TXN: variants seen among roughly 807,000 people sequenced by gnomAD.
The protein encoded by TXN is ADF.
In TXN, 10 loss-of-function variants were observed where a neutral mutation model predicts 16.5. That is an observed-to-expected ratio of 0.61 (90% CI 0.37 to 1.03). TXN has a LOEUF of 1.03. TXN is among the 50% of genes least tolerant of loss of function. The pLI is 0.01. For missense variants in TXN, 71 were observed against 122.5 expected (o/e 0.58, Z 1.98); for synonymous variants, 35 against 39.4 (o/e 0.89, Z 0.42).
chr9:110,255,179 G>A (rs1485401398), intron 1 of TXN, among the ~76,000 whole-genome samples: 1 of 152,230 alleles, frequency 6.6e-6, no homozygotes. Flanking sequence ...AAACAGGTCA[G>A]GGCACCCGAG....
intron 3 of TXN, among the ~76,000 whole-genome samples, chr9:110,248,034 T>C (rs1290624380): frequency 6.6e-6 from 1 of 152,168 alleles, no homozygotes; most frequent in Non-Finnish European, 1.5e-5. Context: ...AAAAGTCTTT[T>C]TAAAAAAAGC....
At chr9:110,249,848 T>C (rs543096528) in intron 3 of TXN, among the ~76,000 whole-genome samples, 2 of 152,038 alleles carry the variant, frequency 1.3e-5, no homozygotes, top group East Asian at 3.9e-4. Context: ...GGAAGAGGAG[T>C]GACTGGCCTA....
intron 1 of TXN, among the ~76,000 whole-genome samples, chr9:110,254,161 T>C (rs982166793): frequency 3.9e-5 from 6 of 152,186 alleles, no homozygotes; most frequent in African/African-American, 7.2e-5. Context: ...AGAAACAGAA[T>C]TGTTCTGAAT....
intron 1 of TXN, among the ~76,000 whole-genome samples, chr9:110,255,206 C>T (rs879822408): frequency 2.0e-5 from 3 of 152,238 alleles, no homozygotes; most frequent in Non-Finnish European, 4.4e-5. Flanking sequence ...GAGGACCCGC[C>T]CTCCTCTGCT....
At chr9:110,245,462 T>G (rs954044114) in intron 3 of TXN, among the ~76,000 whole-genome samples, 6 of 149,884 alleles carry the variant, frequency 4.0e-5, no homozygotes, top group Non-Finnish European at 7.4e-5. Flanking sequence ...CTGGATGGAA[T>G]GCAGGGGCAT....
chr9:110,244,612 C>T (rs1291365622), intron 4 of TXN, among the ~76,000 whole-genome samples, 166 bp downstream of exon 4: 1 of 152,086 alleles, frequency 6.6e-6, no homozygotes, highest in Non-Finnish European at 1.5e-5. Flanking sequence ...AGTTAGCTGT[C>T]ACATTATGTA....
At chr9:110,248,530 G>C (rs1368045994) in intron 3 of TXN, among the ~76,000 whole-genome samples, 1 of 152,118 alleles carries the variant, frequency 6.6e-6, no homozygotes, top group African/African-American at 2.4e-5. Context: ...ATGCCATCTA[G>C]GTTGTGTAAG....
chr9:110,251,277 A>G, intron 2 of TXN, 81 bp downstream of exon 2: 1 of 1,065,368 alleles, frequency 9.4e-7, no homozygotes, highest in Non-Finnish European at 1.4e-6. Flanking sequence ...AAATCCTTTA[A>G]CTGTCTTTCT....
chr9:110,252,280 T>G (rs1837751510), intron 1 of TXN, among the ~76,000 whole-genome samples: 1 of 146,886 alleles, frequency 6.8e-6, no homozygotes, highest in Non-Finnish European at 1.5e-5. Context: ...TTGTCTATGG[T>G]GGACCATACG....
chr9:110,247,964 A>G (rs1317000125), intron 3 of TXN, among the ~76,000 whole-genome samples: 4 of 152,056 alleles, frequency 2.6e-5, no homozygotes, highest in African/African-American at 9.7e-5. Flanking sequence ...GATGATCCTG[A>G]CCCTGTGTTG....
chr9:110,251,585 CCAAAAA>C (rs1837737527), intron 1 of TXN, 123 bp from the exon 2 acceptor site: 3 of 21,204 alleles, frequency 1.4e-4, no homozygotes, highest in South Asian at 2.5e-3. Context: ...TACTTTTTAG[CCAAAAA>C]AAAAAAAAAA....
rs914807286 is a variant in TXN at position 110,244,928 on chromosome 9, C to G, written c.190-85G>C. Reference sequence around the variant, plus strand: ...GACAGAAGTAATCCAAAACCAGAAACTTTTCCCTGTCATGTACCCCACATT... The same window carrying G: ...GACAGAAGTAATCCAAAACCAGAAAGTTTTCCCTGTCATGTACCCCACATT... On this transcript the variant is annotated intron_variant, in intron 3 of 4. Transcript: ENST00000374517. 13 of 1,096,282 alleles carry G rather than the reference C, an allele frequency of 1.2e-5. No homozygotes were observed. In the African/African-American group the frequency reaches 1.4e-4, roughly 12 times the overall value. 67.9% of individuals were successfully genotyped at this position (1,096,282 alleles called of 1,614,324 possible).
At chr9:110,251,332 C>T (rs773508882) in intron 2 of TXN, 26 bp downstream of exon 2, 10 of 1,528,142 alleles carry the variant, frequency 6.5e-6, no homozygotes, top group Non-Finnish European at 9.1e-6. Flanking sequence ...AAATCTCTTA[C>T]AAAGCAGACA....
chr9:110,252,895 T>C (rs1837759411), intron 1 of TXN, among the ~76,000 whole-genome samples: 1 of 152,138 alleles, frequency 6.6e-6, no homozygotes, highest in South Asian at 2.1e-4. Flanking sequence ...TCCACCCGCC[T>C]TGGCCTCCCA....
intron 2 of TXN, 111 bp from the exon 3 acceptor site, chr9:110,250,990 T>C (rs1352864987): frequency 6.4e-6 from 5 of 782,376 alleles, no homozygotes; most frequent in Non-Finnish European, 4.1e-6. Context: ...TAATTAAAGA[T>C]CCAAAAATTT....
In TXN at chr9:110,244,167, T is replaced by C; in HGVS notation, c.308A>G (p.Glu103Gly). Residue 103 changes from glutamate to glycine, a missense_variant, in exon 5 of 5, where the codon GAA (glutamate) becomes GGA (glycine). Physicochemically the swap from Glu to Gly is moderately conservative, Grantham distance 98. Transcript: ENST00000374517. ...TTTCAGAAAACATGATTAGACTAATTCATTAATGGTGGCTTCAAGCTTTTC... is the reference window on the plus strand; with the variant it reads ...TTTCAGAAAACATGATTAGACTAATCCATTAATGGTGGCTTCAAGCTTTTC... ...NKEKLEATINELV is the reference protein window; with the variant it reads ...NKEKLEATINGLV The C allele has an allele frequency of 6.4e-7, 1 of 1,568,714 alleles. No homozygotes were observed. Among genetic ancestry groups the C allele is most frequent in the Non-Finnish European group, 8.6e-7 (1 of 1,157,482 alleles).
rs1837734597 is a variant in TXN at position 110,251,423 on chromosome 9, G to A, written c.64C>T (p.Leu22Phe). Residue 22 changes from leucine to phenylalanine, a missense_variant, in exon 2 of 5, where the codon CTT becomes TTT. By Grantham distance (22) the Leu-to-Phe change is conservative. Coordinates refer to ENST00000374517, the MANE Select transcript of TXN (RefSeq NM_003329.4). ...QEALDAAGDK[L>F]VVVDFSATWC... The stretch of plus-strand genomic sequence containing the variant: ...GTGGCTGAGAAGTCAACTACTACAA[G>A]TTTATCACCTGCAGCGTCCAAGGCT... 15 of 1,612,040 alleles carry A rather than the reference G, an allele frequency of 9.3e-6. No homozygotes were observed. The highest frequency in any genetic ancestry group is 1.3e-5 in the Non-Finnish European group (15 of 1,179,822).
At position 110,256,339 on chromosome 9, in the gene TXN, C is replaced by T. The variant is rs1226038066; in HGVS notation, c.24+73G>A. On this transcript the variant is annotated intron_variant, in intron 1 of 4. Transcript: ENST00000374517. The surrounding 1 kb of genome is among the most constrained non-coding windows in gnomAD (Gnocchi z 4.2). Reference sequence around the variant, plus strand: ...CCTCCCGCCACCGCCTTCCCCACCTCCCGCCACCGCCTTCCCCAGTTACAG... The same window carrying T: ...CCTCCCGCCACCGCCTTCCCCACCTTCCGCCACCGCCTTCCCCAGTTACAG... The T allele has an allele frequency of 6.7e-7, 1 of 1,499,172 alleles. No individual in the cohort carries two copies. Among genetic ancestry groups the T allele is most frequent in the Non-Finnish European group, 9.1e-7 (1 of 1,100,774 alleles). 92.9% of individuals were successfully genotyped at this position (1,499,172 alleles called of 1,614,324 possible).
At chr9:110,253,015 T>C (rs1837761241) in intron 1 of TXN, among the ~76,000 whole-genome samples, 1 of 151,976 alleles carries the variant, frequency 6.6e-6, no homozygotes, top group Admixed American at 6.6e-5. Flanking sequence ...ATCTGAAATC[T>C]AGGTTTTCTT....
Sources: gnomAD v4.1 joint callset for allele counts (sites outside exome capture counted in the v4.1 genomes callset) on GRCh38, gnomAD v4.1.1 for gene constraint, Gnocchi (gnomAD v3.1) non-coding constraint, MANE v1.5 for transcripts, NCBI Gene and HGNC (gene_info 2026-07-23, HGNC 2026-07-21) for gene names.